Variants in MAPRE2 observed in about 807,000 individuals in gnomAD.
The protein encoded by MAPRE2 is microtubule-associated protein RP/EB family member 2.
MAPRE2 carries 13 observed loss-of-function variants against 43.2 expected under a neutral mutation model. That is an observed-to-expected ratio of 0.30 (90% CI 0.20 to 0.48). The LOEUF (loss-of-function observed/expected upper bound fraction) is 0.48. MAPRE2 is among the 20% of genes least tolerant of loss of function. The pLI, the probability that MAPRE2 is intolerant of heterozygous loss-of-function variation, is 0.99. For missense variants in MAPRE2, 161 were observed against 400.2 expected (o/e 0.40, Z 5.10); for synonymous variants, 135 against 148.8 (o/e 0.91, Z 0.68).
At chr18:35,020,551 CA>C (rs34608748) in intron 2 of MAPRE2, among the ~76,000 whole-genome samples, 2,001 of 143,880 alleles carry the variant, frequency 0.014, 30 homozygotes, top group African/African-American at 0.04. Context: ...CTTGGCTTGT[CA>C]AAAAAAAAAA....
rs546070749 is a variant in MAPRE2, at chr18:34,991,367, C to G, written c.-69-14125C>G. Among the ~76,000 whole-genome samples the G allele has an allele frequency of 5.9e-5, 9 of 152,210 alleles. No individual in the cohort carries two copies. The South Asian group carries it at 1.7e-3, about 28-fold the overall frequency. On this transcript the variant is annotated intron_variant, in intron 1 of 7. Transcript: ENST00000413393. ...AGCCTGTTTTGAGTAACAGGAGAGA[C>G]CGAGTAGAGCTTTGGAACCAAGTTG...
At chr18:35,004,491 C>G (rs1327050892) in intron 1 of MAPRE2, among the ~76,000 whole-genome samples, 2 of 152,226 alleles carry the variant, frequency 1.3e-5, no homozygotes, top group African/African-American at 4.8e-5. Context: ...CCCCCAAACA[C>G]TTGATTCTCA....
chr18:35,005,454 G>T (rs373071750), intron 1 of MAPRE2: 2 of 1,284,030 alleles, frequency 1.6e-6, no homozygotes, highest in Non-Finnish European at 1.1e-6. Flanking sequence ...CATATTAAAT[G>T]CTTGCACTCT....
At chr18:35,007,745 A>G (rs2097032488) in intron 2 of MAPRE2, among the ~76,000 whole-genome samples, 1 of 152,120 alleles carries the variant, frequency 6.6e-6, no homozygotes, top group South Asian at 2.1e-4. Context: ...ACCCTCCTTT[A>G]TTTAACCCTT....
intron 2 of MAPRE2, among the ~76,000 whole-genome samples, chr18:35,084,863 G>T (rs1603399317): frequency 6.6e-6 from 1 of 152,226 alleles, no homozygotes; most frequent in South Asian, 2.1e-4. Flanking sequence ...GTTGAAACCG[G>T]ATTTCTGAAC....
intron 1 of MAPRE2, among the ~76,000 whole-genome samples, chr18:35,063,316 C>T (rs949678719): frequency 1.2e-4 from 19 of 152,002 alleles, no homozygotes; most frequent in African/African-American, 4.1e-4. Context: ...ACCGTGTTAG[C>T]CAGGATGGTC....
At chr18:35,082,468 A>G (rs1907690099) in intron 2 of MAPRE2, among the ~76,000 whole-genome samples, 1 of 152,044 alleles carries the variant, frequency 6.6e-6, no homozygotes. Context: ...CCTTTCCAAC[A>G]TTTATCCCCA....
chr18:35,020,119 G>A (rs991163460), intron 2 of MAPRE2, among the ~76,000 whole-genome samples: 1 of 152,070 alleles, frequency 6.6e-6, no homozygotes, highest in Non-Finnish European at 1.5e-5. Flanking sequence ...GTTTGTCTCT[G>A]TTCTAAAATT....
At chr18:35,125,998 C>G (rs1040495521) in intron 4 of MAPRE2, among the ~76,000 whole-genome samples, 1 of 152,140 alleles carries the variant, frequency 6.6e-6, no homozygotes, top group Non-Finnish European at 1.5e-5. Context: ...AATGACGAGC[C>G]CTTTGTGAAT....
intron 2 of MAPRE2, among the ~76,000 whole-genome samples, chr18:35,074,451 G>GTAA (rs1907248012): frequency 1.3e-5 from 2 of 152,182 alleles, no homozygotes; most frequent in Non-Finnish European, 2.9e-5. Flanking sequence ...AGGGGACTTA[G>GTAA]AGGGGAAGAA....
chr18:35,050,519 G>A (rs1905882782), intron 1 of MAPRE2, among the ~76,000 whole-genome samples: 1 of 152,134 alleles, frequency 6.6e-6, no homozygotes, highest in Non-Finnish European at 1.5e-5. Flanking sequence ...GTTTTGTGAT[G>A]CGTCCAGCCT....
At chr18:34,996,040 T>C (rs1160561649) in intron 1 of MAPRE2, among the ~76,000 whole-genome samples, 2 of 152,204 alleles carry the variant, frequency 1.3e-5, no homozygotes, top group African/African-American at 4.8e-5. Flanking sequence ...ATGAACCTGA[T>C]AGTTAAAATG....
intron 1 of MAPRE2, chr18:34,978,559 A>G: frequency 3.2e-6 from 5 of 1,551,506 alleles, no homozygotes; most frequent in Non-Finnish European, 4.4e-6. Context: ...GAAGAATGGC[A>G]ACATTTCCCC....
At chr18:35,053,021 CAA>C (rs1164431491) in intron 1 of MAPRE2, among the ~76,000 whole-genome samples, 1 of 123,416 alleles carries the variant, frequency 8.1e-6, no homozygotes, top group Non-Finnish European at 1.8e-5. Flanking sequence ...CACACACACA[CAA>C]AAAGACCTAG....
At chr18:35,086,061 T>A in intron 2 of MAPRE2, among the ~76,000 whole-genome samples, 1 of 152,172 alleles carries the variant, frequency 6.6e-6, no homozygotes, top group Non-Finnish European at 1.5e-5. Flanking sequence ...AATAAGATTA[T>A]GGAAAGTGAA....
intron 1 of MAPRE2, among the ~76,000 whole-genome samples, chr18:35,049,957 T>G (rs1905852610): frequency 6.6e-6 from 1 of 152,204 alleles, no homozygotes; most frequent in South Asian, 2.1e-4. Flanking sequence ...AGTAAAAGGC[T>G]TATTTATCTG....
intron 3 of MAPRE2, among the ~76,000 whole-genome samples, chr18:35,099,497 C>A: frequency 6.6e-6 from 1 of 152,070 alleles, no homozygotes. Flanking sequence ...TACGTGTAGG[C>A]TCAGCTACTC....
At chr18:35,034,880 G>A (rs1159080315) in intron 2 of MAPRE2, among the ~76,000 whole-genome samples, 1 of 152,110 alleles carries the variant, frequency 6.6e-6, no homozygotes, top group Admixed American at 6.5e-5. Context: ...TGGAGAGGAT[G>A]TGGAGAAATA....
At chr18:35,101,521 C>G (rs1263643872) in intron 3 of MAPRE2, among the ~76,000 whole-genome samples, 2 of 151,966 alleles carry the variant, frequency 1.3e-5, no homozygotes, top group African/African-American at 2.4e-5. Flanking sequence ...TTTTTTGTAC[C>G]CAATCACCAT....
Sources: allele counts gnomAD v4.1 joint callset (sites outside exome capture counted in the v4.1 genomes callset), GRCh38; gene constraint gnomAD v4.1.1; transcripts MANE v1.5; gene names NCBI Gene and HGNC (gene_info 2026-07-23, HGNC 2026-07-21).